Variants in FRMD4A observed in about 807,000 individuals in gnomAD.
The protein encoded by FRMD4A is FERM domain-containing protein 4A.
In FRMD4A, 29 loss-of-function variants were observed where a neutral mutation model predicts 129.1. The ratio of observed to expected loss-of-function variants is 0.22; its 90% confidence interval spans 0.17 to 0.31. FRMD4A has a LOEUF of 0.31. Among genes scored for constraint, FRMD4A ranks in the 10% least tolerant of loss-of-function variants. The probability of loss-of-function intolerance (pLI) is 1.00; values close to 1 mark genes in which losing one functional copy is unlikely to be tolerated. For missense variants in FRMD4A, 1,272 were observed against 1,375.8 expected, an observed-to-expected ratio of 0.92 and a Z score of 1.19; for synonymous variants, 634 against 571.6, an observed-to-expected ratio of 1.11 and a Z score of -1.56.
intron 23 of FRMD4A, 39 bp downstream of exon 23, chr10:13,654,377 T>A (rs760389029): frequency 7.8e-7 from 1 of 1,282,588 alleles, no homozygotes; most frequent in East Asian, 2.3e-5. Flanking sequence ...TGACACTCTT[T>A]CGAGCTGACA....
intron 2 of FRMD4A, among the ~76,000 whole-genome samples, chr10:13,944,724 C>T (rs564562809): frequency 6.6e-6 from 1 of 152,338 alleles, no homozygotes; most frequent in African/African-American, 2.4e-5. Flanking sequence ...CATACTAATG[C>T]TGCCTCATTT....
At chr10:13,817,197 C>T (rs1034685929) in intron 3 of FRMD4A, among the ~76,000 whole-genome samples, 4 of 152,190 alleles carry the variant, frequency 2.6e-5, no homozygotes, top group African/African-American at 9.7e-5. Flanking sequence ...CAGCCATGTG[C>T]TTTAGCAAGG....
chr10:14,114,181 C>T (rs1406053168), intron 2 of FRMD4A, among the ~76,000 whole-genome samples: 1 of 152,234 alleles, frequency 6.6e-6, no homozygotes, highest in Non-Finnish European at 1.5e-5. Flanking sequence ...GGCTAGTTTC[C>T]TGCAGACTTG....
intron 2 of FRMD4A, among the ~76,000 whole-genome samples, chr10:13,974,922 T>C (rs541060378): frequency 6.6e-6 from 1 of 152,384 alleles, no homozygotes; most frequent in South Asian, 2.1e-4. Context: ...TGACTGCCAT[T>C]GAGAACAATG....
At chr10:13,940,273 T>C (rs533336556) in intron 2 of FRMD4A, among the ~76,000 whole-genome samples, 4 of 152,108 alleles carry the variant, frequency 2.6e-5, no homozygotes, top group Admixed American at 2.6e-4. Flanking sequence ...GCTTTTCCCA[T>C]GGGCAGTCAA....
At chr10:14,199,486 C>T (rs566970650) in intron 2 of FRMD4A, among the ~76,000 whole-genome samples, 1 of 151,326 alleles carries the variant, frequency 6.6e-6, no homozygotes, top group Non-Finnish European at 1.5e-5. Flanking sequence ...ACCTCCCGGG[C>T]TCAAGCAATT....
chr10:14,178,249 C>A (rs1841798113), intron 2 of FRMD4A, among the ~76,000 whole-genome samples: 1 of 152,142 alleles, frequency 6.6e-6, no homozygotes, highest in Admixed American at 6.5e-5. Context: ...AATTTCTGTT[C>A]TTTATTAGTC....
intron 2 of FRMD4A, among the ~76,000 whole-genome samples, chr10:13,994,175 A>ATTTTTTTTTTTT (rs549621959): frequency 9.8e-6 from 1 of 101,974 alleles, no homozygotes; most frequent in African/African-American, 4.3e-5. Context: ...CGCCCAGCTA[A>ATTTTTTTTTTTT]TTTTTTTTTT....
intron 9 of FRMD4A, among the ~76,000 whole-genome samples, chr10:13,741,604 C>T (rs1484085675): frequency 6.6e-6 from 1 of 152,220 alleles, no homozygotes; most frequent in Admixed American, 6.5e-5. Context: ...TTATCCTCAT[C>T]TTCCCAGTCC....
At chr10:14,003,500 A>G (rs2095650314) in intron 2 of FRMD4A, 1 of 152,274 alleles carries the variant, frequency 6.6e-6, no homozygotes, top group Non-Finnish European at 1.5e-5. Flanking sequence ...CAGTAAATGC[A>G]GGAAATTATG....
intron 2 of FRMD4A, among the ~76,000 whole-genome samples, chr10:14,245,904 T>C (rs1229334783): frequency 6.6e-6 from 1 of 152,182 alleles, no homozygotes; most frequent in East Asian, 1.9e-4. Flanking sequence ...CCAGACCAAC[T>C]CTGAAAACCC....
chr10:13,660,260 A>G, intron 20 of FRMD4A, 56 bp downstream of exon 20: 7 of 1,129,308 alleles, frequency 6.2e-6, no homozygotes, highest in Non-Finnish European at 1.3e-6. Flanking sequence ...CGGCCCTTTG[A>G]TTCTTCCAGA....
Position 13,747,975 on chromosome 10 carries a change from G to T in FRMD4A, c.465-156C>A, listed in dbSNP as rs77329003. ...GAAGGGGCGCTCTCTTTTTATTTCC[G>T]AAATACAGATGTAAACGAAGGCAGA... On this transcript the variant is annotated intron_variant, in intron 8 of 24. Coordinates refer to ENST00000357447, the MANE Select transcript of FRMD4A (RefSeq NM_018027.5). 0.013 allele frequency among the ~76,000 whole-genome samples: 1,921 copies of T among 152,194 alleles called. 77 individuals are homozygous for T. The highest frequency in any genetic ancestry group is 0.12 in the South Asian group (582 of 4,822).
At chr10:14,015,606 C>T (rs73589198) in intron 2 of FRMD4A, among the ~76,000 whole-genome samples, 2,309 of 152,222 alleles carry the variant, frequency 0.015, 61 homozygotes, top group African/African-American at 0.053. Flanking sequence ...GTCAACTCCT[C>T]GCTTCTGCCA....
chr10:14,208,123 T>C (rs936072788), intron 2 of FRMD4A, among the ~76,000 whole-genome samples: 9 of 152,086 alleles, frequency 5.9e-5, no homozygotes, highest in African/African-American at 1.4e-4. Flanking sequence ...CTGAGCCCAG[T>C]AGATGGAGGT....
chr10:13,798,130 G>T (rs1216831122), intron 4 of FRMD4A, among the ~76,000 whole-genome samples: 4 of 152,216 alleles, frequency 2.6e-5, no homozygotes, highest in African/African-American at 9.6e-5. Flanking sequence ...TAATGAAAGG[G>T]TTGGGCGCAG....
intron 2 of FRMD4A, among the ~76,000 whole-genome samples, chr10:14,227,993 C>A (rs1309417188): frequency 6.6e-6 from 1 of 152,154 alleles, no homozygotes; most frequent in African/African-American, 2.4e-5. Context: ...CCTGCCCCAG[C>A]CTCCCAAGGA....
intron 2 of FRMD4A, among the ~76,000 whole-genome samples, chr10:13,894,896 C>A (rs1589196280): frequency 6.6e-6 from 1 of 152,212 alleles, no homozygotes; most frequent in African/African-American, 2.4e-5. Context: ...CTTGCCTGGC[C>A]ACCCACTAGC....
chr10:13,896,854 G>T (rs1184459946), intron 2 of FRMD4A, among the ~76,000 whole-genome samples: 2 of 152,132 alleles, frequency 1.3e-5, no homozygotes, highest in Non-Finnish European at 2.9e-5. Context: ...ACTCCACAAT[G>T]GTCTGTTCCC....
Sources: gnomAD v4.1 joint callset for allele counts (sites outside exome capture counted in the v4.1 genomes callset) on GRCh38, gnomAD v4.1.1 for gene constraint, MANE v1.5 for transcripts, NCBI Gene and HGNC (gene_info 2026-07-23, HGNC 2026-07-21) for gene names.